Variants in RNF213 observed in about 807,000 individuals in gnomAD.
RNF213 encodes ring finger protein 213.
RNF213 carries 341 observed loss-of-function variants against 514.4 expected under a neutral mutation model. The ratio of observed to expected loss-of-function variants is 0.66; its 90% confidence interval spans 0.61 to 0.73. The LOEUF is 0.73. RNF213 is among the 30% of genes least tolerant of loss of function. The pLI is 0.00. For synonymous variants in RNF213, 2,655 were observed against 2,658.2 expected, an observed-to-expected ratio of 1.00 and a Z score of 0.04; for missense variants, 5,767 against 6,615.6, an observed-to-expected ratio of 0.87 and a Z score of 4.45.
rs755273892 is a variant in RNF213, at chr17:80,358,463, G to A, written c.11038G>A (p.Val3680Met). ...CACGATGCTTCTGAACATTCCTCTT[G>A]TGATGAATAATGAAAGGTGAGTGGA... ...SDTMLLNIPL[V>M]MNNERHKGEM... Residue 3680 changes from valine to methionine, a missense_variant, in exon 37 of 68, where the codon GTG becomes ATG. Physicochemically the swap from Val to Met is conservative, Grantham distance 21 (BLOSUM62 1). Coordinates refer to ENST00000582970, the MANE Select transcript of RNF213 (RefSeq NM_001256071.3). 1.2e-6 allele frequency: 2 copies of A among 1,613,900 alleles called. No homozygotes were observed. Among genetic ancestry groups the A allele is most frequent in the Non-Finnish European group, 1.7e-6 (2 of 1,179,808 alleles).
In RNF213 at chr17:80,353,090, C is replaced by T. The variant is rs1345038343; in HGVS notation, c.10423+31C>T. 10 of 1,607,882 alleles carry T rather than the reference C, an allele frequency of 6.2e-6. No individual in the cohort carries two copies. The highest frequency in any genetic ancestry group is 8.5e-6 in the Non-Finnish European group (10 of 1,179,966). On this transcript the variant is annotated intron_variant, in intron 33 of 67. Transcript: ENST00000582970. This position sits in a 1 kb window ranked among gnomAD's most constrained non-coding sequence, Gnocchi z 5.0. ...TCACGAGGCGGAGCCCCTGGGGGAG[C>T]AGGTGGTGGAAGGGCAGATGGCAGG... is the stretch of plus-strand genomic sequence containing the variant.
chr17:80,291,715 C>T lies in RNF213; in HGVS notation c.1359C>T (p.Val453=), dbSNP rs7501767. 252 of 1,614,136 alleles carry T rather than the reference C, an allele frequency of 1.6e-4. 2 individuals are homozygous for T. In the African/African-American group the frequency reaches 3.0e-3, roughly 19 times the overall value. Residue 453 remains valine, a synonymous_variant, in exon 8 of 68, where the codon GTC becomes GTT. Transcript: ENST00000582970. The part of the protein sequence containing the change: ...HLDKYIPYKY[V]IYNGESFEYE... Reference sequence around the variant, plus strand: ...ATAAATACATTCCTTACAAGTACGTCATTTATAATGGGGAATCTTTTGAGT... The same window carrying T: ...ATAAATACATTCCTTACAAGTACGTTATTTATAATGGGGAATCTTTTGAGT...
rs773896013 is a variant in RNF213 at position 80,313,078 on chromosome 17, G to A, written c.2722G>A (p.Ala908Thr). 1 of 1,614,114 alleles carries A rather than the reference G, an allele frequency of 6.2e-7. No individual in the cohort carries two copies. Among genetic ancestry groups the A allele is most frequent in the Non-Finnish European group, 8.5e-7 (1 of 1,180,044 alleles). ...CCAAACAGTCTTCCAAGGGACCCTTGCTGCTACGAAAAGGTGGCTCCGAGA... is the reference window on the plus strand; with the variant it reads ...CCAAACAGTCTTCCAAGGGACCCTTACTGCTACGAAAAGGTGGCTCCGAGA... The part of the protein sequence containing the change: ...SVQTVFQGTL[A>T]ATKRWLREVF... The change falls in exon 15 of 68, where the codon GCT becomes ACT. Residue 908 changes from alanine to threonine, a missense_variant. By Grantham distance (58) the Ala-to-Thr change is moderately conservative. Transcript: ENST00000582970.
intron 31 of RNF213, among the ~76,000 whole-genome samples, chr17:80,351,118 C>A (rs1354779675): frequency 6.6e-6 from 1 of 152,200 alleles, no homozygotes; most frequent in Non-Finnish European, 1.5e-5. Flanking sequence ...TGGCTTAAAT[C>A]TCAACAAGAA....
At position 80,343,142 on chromosome 17, in the gene RNF213, G is replaced by A; in HGVS notation, c.6000G>A (p.Leu2000=). 1 of 1,613,536 alleles carries A rather than the reference G, an allele frequency of 6.2e-7. No individual in the cohort carries two copies. The change falls in exon 27 of 68, where the codon CTG becomes CTA. Residue 2000 remains leucine (L), a synonymous_variant. Coordinates refer to ENST00000582970, the MANE Select transcript of RNF213 (RefSeq NM_001256071.3). The surrounding 1 kb of genome is among the most constrained non-coding windows in gnomAD (Gnocchi z 4.3). ...ASERAGVGKS[L]YVKRLHDKMK... is the part of the protein sequence containing the mutation. ...GTATTAATGTTATAGGAAAGTCTCT[G>A]TACGTGAAGAGGTTGCACGACAAAA...
In RNF213 at chr17:80,290,643, G is replaced by C. The variant is rs748113405; in HGVS notation, c.1186G>C (p.Asp396His). The change falls in exon 7 of 68, where the codon GAC becomes CAC. Residue 396 changes from aspartate to histidine, a missense_variant. By Grantham distance (81) the Asp-to-His change is moderately conservative. This residue lies in a region of RNF213 where 509 missense variants were observed against 496.7 expected (regional missense o/e 1.02). Transcript: ENST00000582970. ...IISLHFPFNP[D>H]LHKVFIRGGE... ...CTCTCTTCATTTCCCATTCAATCCT[G>C]ACCTCCATAAAGTCTTCATCAGAGG... 3 of 1,614,110 alleles carry C rather than the reference G, an allele frequency of 1.9e-6. No homozygotes were observed. The highest frequency in any genetic ancestry group is 1.7e-5 in the Admixed American group (1 of 60,012).
At position 80,339,921 on chromosome 17, in the gene RNF213, C is replaced by T. The variant is rs1384610467; in HGVS notation, c.5554C>T (p.Pro1852Ser). The change falls in exon 26 of 68, where the codon CCA becomes TCA. Residue 1852 changes from proline (P) to serine (S), a missense_variant. Physicochemically the swap from Pro to Ser is moderately conservative, Grantham distance 74. Transcript: ENST00000582970. The stretch of plus-strand genomic sequence containing the variant: ...CGCCCTGGCTGTCTACATGCAAACC[C>T]CAAGCCAGCCCCTGCCCACTTACGA... ...PAALAVYMQTPSQPLPTYDEV... is the reference protein window; with the variant it reads ...PAALAVYMQTSSQPLPTYDEV... 6.5e-7 allele frequency: 1 copy of T among 1,536,976 alleles called. No homozygotes were observed. The highest frequency in any genetic ancestry group is 1.2e-5 in the South Asian group (1 of 84,054).
At chr17:80,309,692 G>A (rs543136863) in intron 14 of RNF213, among the ~76,000 whole-genome samples, 14 of 152,138 alleles carry the variant, frequency 9.2e-5, no homozygotes, top group African/African-American at 2.9e-4. Context: ...AGGATGACCC[G>A]GCTCCTCCGT....
Position 80,363,734 on chromosome 17 carries a change from C to G in RNF213, c.11694C>G (p.Ser3898=). The change falls in exon 41 of 68, where the codon TCC becomes TCG. Residue 3898 remains serine, a synonymous_variant. Coordinates refer to ENST00000582970, the MANE Select transcript of RNF213 (RefSeq NM_001256071.3). The part of the protein sequence containing the change: ...NLSMPLELIC[S]DEHMQGSGSL... ...CCATGCCGCTGGAGCTCATCTGCTC[C>G]GATGAGCACATGCAAGGCAGCGGGA... 6.2e-7 allele frequency: 1 copy of G among 1,613,822 alleles called. No individual in the cohort carries two copies. Among genetic ancestry groups the G allele is most frequent in the Non-Finnish European group, 8.5e-7 (1 of 1,179,958 alleles).
In RNF213 at chr17:80,340,072, A is replaced by G. The variant is rs751462487; in HGVS notation, c.5705A>G (p.Tyr1902Cys). The G allele has an allele frequency of 5.0e-6, 8 of 1,589,182 alleles. No individual in the cohort carries two copies. In the South Asian group the frequency reaches 7.9e-5, roughly 16 times the overall value. Residue 1902 changes from tyrosine to cysteine, a missense_variant, in exon 26 of 68, where the codon TAC becomes TGC. This residue lies in a region of RNF213 where 1,377 missense variants were observed against 1,635.2 expected (regional missense o/e 0.84). Coordinates refer to ENST00000582970, the MANE Select transcript of RNF213 (RefSeq NM_001256071.3). ...CTGCTGTTCGCAGATCAGCTGAGCT[A>G]CGAGGTGGCACGCCAAGCGGAGGAG... is the stretch of plus-strand genomic sequence containing the variant. ...YSLLFADQLS[Y>C]EVARQAEELF...
chr17:80,339,449 G>A lies in RNF213; in HGVS notation c.5082G>A (p.Lys1694=), dbSNP rs1486151792. The A allele has an allele frequency of 6.5e-7, 1 of 1,537,140 alleles. No individual in the cohort carries two copies. The highest frequency in any genetic ancestry group is 2.4e-5 in the East Asian group (1 of 40,916). ...LDSWKRFVTQ[K]RMEHFYLNFY... is the part of the protein sequence containing the mutation. ...GCTGGAAGAGATTTGTGACCCAGAA[G>A]CGAATGGAGCACTTTTACCTGAACT... Residue 1694 remains lysine (K), a synonymous_variant, in exon 26 of 68, where the codon AAG becomes AAA. Transcript: ENST00000582970.
intron 57 of RNF213, chr17:80,382,233 C>G (rs535422842): frequency 5.3e-4 from 84 of 157,318 alleles, no homozygotes; most frequent in African/African-American, 1.9e-3. Flanking sequence ...AGCTAACTTT[C>G]TATTTTAAAA....
rs1321376420 is a variant in RNF213, at chr17:80,377,587, CATTT to C, written c.13511-171_13511-168del. Reference sequence around the variant, plus strand: ...TCAGACATTTTTCACTGACAACATACATTTATTAAGCTTCAGGCAGGTGTCATGT... The same window carrying C: ...TCAGACATTTTTCACTGACAACATACATTAAGCTTCAGGCAGGTGTCATGT... On this transcript the variant is annotated intron_variant, in intron 53 of 67. Transcript: ENST00000582970. This position sits in a 1 kb window ranked among gnomAD's most constrained non-coding sequence, Gnocchi z 4.1. The C allele has an allele frequency of 1.5e-4, 113 of 741,826 alleles. No individual in the cohort carries two copies. The highest frequency in any genetic ancestry group is 2.7e-4 in the Non-Finnish European group (107 of 401,456). 46.0% of individuals were successfully genotyped at this position (741,826 alleles called of 1,614,324 possible). A position where few individuals can be genotyped will look rare whatever the true frequency, so the allele number is the denominator to read the frequency against.
chr17:80,354,291 A>G, intron 35 of RNF213, 125 bp downstream of exon 35: 2 of 1,492,810 alleles, frequency 1.3e-6, no homozygotes, highest in South Asian at 1.1e-5. Context: ...AAGCAGTGAC[A>G]CAGTGGGAAT....
chr17:80,334,279 A>C lies in RNF213; in HGVS notation c.4309+9A>C, dbSNP rs1212620673. 3.3e-6 allele frequency: 5 copies of C among 1,530,692 alleles called. No homozygotes were observed. Among genetic ancestry groups the C allele is most frequent in the Non-Finnish European group, 4.4e-6 (5 of 1,143,202 alleles). The allele number at this position is 1,530,692 out of a possible 1,614,324, so 94.8% of individuals were successfully genotyped here. ...CCGGGAGGCTCTTGGAGGTAAAATC[A>C]GCCTTTGGGGTTGCGTGGAAGTGTG... On this transcript the variant is annotated intron_variant, in intron 22 of 67. Coordinates refer to ENST00000582970, the MANE Select transcript of RNF213 (RefSeq NM_001256071.3).
rs1015199797 is a variant in RNF213 at position 80,264,412 on chromosome 17, C to A, written c.97+634C>A. Among the ~76,000 whole-genome samples the A allele has an allele frequency of 6.6e-6, 1 of 152,122 alleles. No individual in the cohort carries two copies. Among genetic ancestry groups the A allele is most frequent in the Non-Finnish European group, 1.5e-5 (1 of 68,030 alleles). ...GGCAGTGTCAGGCGGGCCTTGCCTG[C>A]TGAGCATCTTGAGTCCATTCTCAAT... On this transcript the variant is annotated intron_variant, in intron 2 of 67. Coordinates refer to ENST00000582970, the MANE Select transcript of RNF213 (RefSeq NM_001256071.3). The surrounding 1 kb of genome is among the most constrained non-coding windows in gnomAD (Gnocchi z 5.0).
chr17:80,351,966 T>G, intron 32 of RNF213, 163 bp downstream of exon 32: 1 of 506,196 alleles, frequency 2.0e-6, no homozygotes, highest in South Asian at 2.2e-5. Flanking sequence ...GCGATTCTCC[T>G]GCCTCAGCCT....
chr17:80,298,222 C>G (rs1049171690), intron 10 of RNF213, 99 bp from the exon 11 acceptor site: 4 of 1,251,972 alleles, frequency 3.2e-6, no homozygotes, highest in East Asian at 2.5e-5. Flanking sequence ...TCCTCTTGCT[C>G]TGTGTGCACG....
At chr17:80,342,736 T>C (rs1366686035) in intron 26 of RNF213, among the ~76,000 whole-genome samples, 1 of 145,906 alleles carries the variant, frequency 6.9e-6, no homozygotes, top group Non-Finnish European at 1.5e-5. Context: ...ATATATATTA[T>C]ATATATATTG....
Sources: gnomAD v4.1 joint callset for allele counts (sites outside exome capture counted in the v4.1 genomes callset) on GRCh38, gnomAD v4.1.1 for gene constraint, gnomAD v4.1.1 regional missense constraint, Gnocchi (gnomAD v3.1) non-coding constraint, MANE v1.5 for transcripts, NCBI Gene and HGNC (gene_info 2026-07-23, HGNC 2026-07-21) for gene names.